Variants in MAGI2 observed in about 807,000 individuals in gnomAD.
MAGI2 encodes the protein membrane-associated guanylate kinase, WW and PDZ domain-containing protein 2.
A neutral mutation model predicts 133.3 loss-of-function variants in MAGI2; 35 were observed. The observed-to-expected ratio is 0.26, with a 90% confidence interval of 0.20 to 0.35. The LOEUF is 0.35. Among genes scored for constraint, MAGI2 ranks in the 10% least tolerant of loss-of-function variants. The pLI, the probability that MAGI2 is intolerant of heterozygous loss-of-function variation, is 1.00. For synonymous variants in MAGI2, 729 were observed against 710.6 expected (o/e 1.03, Z -0.41); for missense variants, 1,636 against 1,863.4 (o/e 0.88, Z 2.25).
chr7:78,957,241 G>A (rs1305244436), intron 2 of MAGI2, among the ~76,000 whole-genome samples: 18 of 144,760 alleles, frequency 1.2e-4, no homozygotes, highest in African/African-American at 4.1e-4. Flanking sequence ...CTCCAGCCTG[G>A]GTGACAGAGT....
At chr7:78,291,452 C>T (rs968948209) in intron 9 of MAGI2, among the ~76,000 whole-genome samples, 1 of 152,070 alleles carries the variant, frequency 6.6e-6, no homozygotes, top group African/African-American at 2.4e-5. Context: ...AGCTTACCAA[C>T]CAAAAAAAGT....
intron 1 of MAGI2, among the ~76,000 whole-genome samples, chr7:79,338,162 T>C (rs1840578609): frequency 6.6e-6 from 1 of 152,164 alleles, no homozygotes; most frequent in African/African-American, 2.4e-5. Flanking sequence ...CTCTGGAATG[T>C]TTCATTTTAG....
intron 1 of MAGI2, among the ~76,000 whole-genome samples, chr7:79,122,492 CA>C (rs1302264470): frequency 6.6e-6 from 1 of 152,148 alleles, no homozygotes; most frequent in African/African-American, 2.4e-5. Context: ...AGTCATTACC[CA>C]TTACGCTTTT....
intron 1 of MAGI2, among the ~76,000 whole-genome samples, chr7:79,150,777 A>G (rs904357282): frequency 1.3e-5 from 2 of 151,990 alleles, no homozygotes; most frequent in African/African-American, 4.8e-5. Context: ...GGGACTATAC[A>G]GTTTTTTCAA....
intron 1 of MAGI2, among the ~76,000 whole-genome samples, chr7:79,195,434 A>G (rs1258630698): frequency 6.6e-6 from 1 of 152,084 alleles, no homozygotes; most frequent in East Asian, 1.9e-4. Context: ...GAAAGCATAT[A>G]AAACCTTATC....
chr7:78,073,091 A>G, intron 21 of MAGI2: 1 of 396,562 alleles, frequency 2.5e-6, no homozygotes. Context: ...TTAAAGGAAG[A>G]CTTTTAACTA....
chr7:79,428,237 C>T (rs1847529860), intron 1 of MAGI2, among the ~76,000 whole-genome samples: 1 of 152,084 alleles, frequency 6.6e-6, no homozygotes, highest in African/African-American at 2.4e-5. Context: ...GAAGTTGGGT[C>T]TGAACATATA....
chr7:78,307,648 G>A (rs1041314230), intron 9 of MAGI2, among the ~76,000 whole-genome samples: 1 of 152,112 alleles, frequency 6.6e-6, no homozygotes, highest in Non-Finnish European at 1.5e-5. Flanking sequence ...TAATTAGAGA[G>A]AAATTTCATT....
intron 2 of MAGI2, among the ~76,000 whole-genome samples, chr7:78,777,357 A>G (rs1181092679): frequency 6.6e-6 from 1 of 152,180 alleles, no homozygotes; most frequent in Non-Finnish European, 1.5e-5. Flanking sequence ...CAGTCCTCAT[A>G]TCAGTTGTAT....
intron 1 of MAGI2, among the ~76,000 whole-genome samples, chr7:79,322,101 A>T (rs1265628176): frequency 1.3e-5 from 2 of 152,200 alleles, no homozygotes; most frequent in African/African-American, 4.8e-5. Context: ...AATTAAAGGC[A>T]TAGAAGCATT....
At chr7:78,657,918 A>G (rs1482718057) in intron 2 of MAGI2, among the ~76,000 whole-genome samples, 1 of 152,154 alleles carries the variant, frequency 6.6e-6, no homozygotes, top group Non-Finnish European at 1.5e-5. Context: ...GGTATATAAG[A>G]AATCTCTGTA....
chr7:78,095,122 G>A (rs1352828030), intron 20 of MAGI2, among the ~76,000 whole-genome samples: 2 of 152,224 alleles, frequency 1.3e-5, no homozygotes, highest in Non-Finnish European at 2.9e-5. Context: ...GCCAGGTCAT[G>A]TTAGATGCTG....
intron 9 of MAGI2, among the ~76,000 whole-genome samples, chr7:78,294,860 C>A (rs1455524556): frequency 6.6e-6 from 1 of 152,124 alleles, no homozygotes; most frequent in Non-Finnish European, 1.5e-5. Context: ...AATTTCGGTA[C>A]AATAGTTACT....
chr7:79,171,597 A>G (rs1041101315), intron 1 of MAGI2, among the ~76,000 whole-genome samples: 7 of 150,798 alleles, frequency 4.6e-5, no homozygotes, highest in African/African-American at 1.7e-4. Flanking sequence ...ACCATATACA[A>G]ATAAATGTAA....
chr7:78,896,992 CAG>C, intron 2 of MAGI2, among the ~76,000 whole-genome samples: 1 of 152,166 alleles, frequency 6.6e-6, no homozygotes, highest in Middle Eastern at 3.4e-3. Context: ...AGAAGAAACC[CAG>C]AATACTTGTT....
intron 6 of MAGI2, among the ~76,000 whole-genome samples, chr7:78,468,905 A>T (rs1790914663): frequency 6.6e-6 from 1 of 152,152 alleles, no homozygotes; most frequent in Non-Finnish European, 1.5e-5. Context: ...GGTGGGCAGG[A>T]TCATGGTCAA....
At chr7:79,428,009 G>A (rs974191815) in intron 1 of MAGI2, among the ~76,000 whole-genome samples, 24 of 152,192 alleles carry the variant, frequency 1.6e-4, no homozygotes, top group African/African-American at 5.1e-4. Context: ...GAGACAGCAT[G>A]AATTTCCAAA....
At chr7:78,904,847 G>A (rs144551972) in intron 2 of MAGI2, among the ~76,000 whole-genome samples, 1 of 152,240 alleles carries the variant, frequency 6.6e-6, no homozygotes, top group African/African-American at 2.4e-5. Flanking sequence ...GTTTACAAAA[G>A]TTTTAGGAGA....
At chr7:78,028,221 G>A (rs1563021377) in intron 21 of MAGI2, among the ~76,000 whole-genome samples, 1 of 152,180 alleles carries the variant, frequency 6.6e-6, no homozygotes, top group Admixed American at 6.5e-5. Context: ...TTCCAAGTAT[G>A]GAGCCATCGT....
Sources: allele counts gnomAD v4.1 joint callset (sites outside exome capture counted in the v4.1 genomes callset), GRCh38; gene constraint gnomAD v4.1.1; transcripts MANE v1.5; gene names NCBI Gene and HGNC (gene_info 2026-07-23, HGNC 2026-07-21).